Variants in CADM2 observed in about 807,000 individuals in gnomAD.
The protein encoded by CADM2 is cell adhesion molecule 2.
Under a neutral mutation model 49.8 loss-of-function variants are expected in CADM2, and 12 were observed. The observed-to-expected ratio is 0.24, with a 90% CI of 0.15 to 0.39. The LOEUF (loss-of-function observed/expected upper bound fraction) is 0.39, where lower values mean the gene tolerates loss of function less well. Ranked by LOEUF, CADM2 falls within the 10% of genes least tolerant of loss-of-function variation. The pLI, the probability that CADM2 is intolerant of heterozygous loss-of-function variation, is 1.00. For missense variants in CADM2, 378 were observed against 492.3 expected (o/e 0.77, Z 2.20); for synonymous variants, 214 against 175.4 (o/e 1.22, Z -1.74).
intron 2 of CADM2, among the ~76,000 whole-genome samples, chr3:85,799,530 A>G (rs1577336811): frequency 6.6e-6 from 1 of 152,124 alleles, no homozygotes; most frequent in Non-Finnish European, 1.5e-5. Flanking sequence ...TGAGATAATC[A>G]TGTGGTTTTT....
chr3:85,586,865 G>A (rs1482126754), intron 1 of CADM2, among the ~76,000 whole-genome samples: 1 of 151,986 alleles, frequency 6.6e-6, no homozygotes, highest in Non-Finnish European at 1.5e-5. Flanking sequence ...ACATTCTAGT[G>A]AGTAGGCCTA....
intron 5 of CADM2, among the ~76,000 whole-genome samples, chr3:85,908,408 T>C (rs918638638): frequency 2.6e-5 from 4 of 151,732 alleles, no homozygotes; most frequent in Non-Finnish European, 5.9e-5. Context: ...TATAAGGAGA[T>C]TGCTATTCTA....
At chr3:85,330,361 T>TC (rs1476812224) in intron 1 of CADM2, among the ~76,000 whole-genome samples, 2 of 152,154 alleles carry the variant, frequency 1.3e-5, no homozygotes, top group Non-Finnish European at 2.9e-5. Flanking sequence ...TTTTCTATTG[T>TC]TAGTATGTTT....
intron 1 of CADM2, among the ~76,000 whole-genome samples, chr3:85,530,120 A>G (rs1219803721): frequency 2.0e-5 from 3 of 152,112 alleles, no homozygotes; most frequent in Non-Finnish European, 4.4e-5. Flanking sequence ...TACTGTTCTC[A>G]TGATAGTGAG....
chr3:85,196,423 A>T (rs1017692874), intron 1 of CADM2, among the ~76,000 whole-genome samples: 1 of 152,010 alleles, frequency 6.6e-6, no homozygotes, highest in African/African-American at 2.4e-5. Context: ...ATCCTGAAGT[A>T]TAATCAAATG....
At chr3:85,625,559 T>C (rs2064101934) in intron 1 of CADM2, among the ~76,000 whole-genome samples, 1 of 152,092 alleles carries the variant, frequency 6.6e-6, no homozygotes, top group South Asian at 2.1e-4. Context: ...TCAACTTGTG[T>C]AAGTGAGCAG....
intron 1 of CADM2, among the ~76,000 whole-genome samples, chr3:85,488,061 G>C (rs1276733282): frequency 6.6e-6 from 1 of 151,908 alleles, no homozygotes. Flanking sequence ...AAAATACTTT[G>C]TACACAAGTA....
chr3:85,450,081 T>C (rs866285017), intron 1 of CADM2, among the ~76,000 whole-genome samples: 2 of 152,198 alleles, frequency 1.3e-5, no homozygotes, highest in Middle Eastern at 3.2e-3. Flanking sequence ...GCTGCTTTCC[T>C]GATTCCTATG....
In CADM2 at chr3:85,308,330, C is replaced by A. The variant is rs193197693; in HGVS notation, c.61+348662C>A. 2.6e-3 allele frequency among the ~76,000 whole-genome samples: 399 copies of A among 151,460 alleles called. 4 individuals carry two copies. Among genetic ancestry groups the A allele is most frequent in the African/African-American group, 9.3e-3 (382 of 41,276 alleles). On this transcript the variant is annotated intron_variant, in intron 1 of 9. Coordinates refer to ENST00000383699, the MANE Select transcript of CADM2 (RefSeq NM_001167675.2). ...CTCTCTACACACACACACACACACA[C>A]ACACACACACAACACTCCATGTTAC...
chr3:85,666,390 C>T (rs1190998826), intron 1 of CADM2, among the ~76,000 whole-genome samples: 1 of 151,916 alleles, frequency 6.6e-6, no homozygotes, highest in Non-Finnish European at 1.5e-5. Flanking sequence ...CAGATTTAGA[C>T]ATGCTACCTA....
chr3:85,683,052 A>G (rs560225553), intron 1 of CADM2, among the ~76,000 whole-genome samples: 1 of 152,226 alleles, frequency 6.6e-6, no homozygotes, highest in African/African-American at 2.4e-5. Flanking sequence ...TTCAGGGTTT[A>G]TTATTCTGGT....
At position 85,883,320 on chromosome 3, in the gene CADM2, C is replaced by T. The variant is rs139991481; in HGVS notation, c.268C>T (p.Arg90Cys). 6.8e-6 allele frequency: 11 copies of T among 1,613,434 alleles called. No individual in the cohort carries two copies. Among genetic ancestry groups the T allele is most frequent in the Admixed American group, 6.7e-5 (4 of 59,992 alleles). ...ALRDNRIELV[R>C]ASWHELSISV... ...AAGGGACAATAGGATCGAGCTGGTT[C>T]GCGCTTCCTGGCATGAATTGAGTAT... Residue 90 changes from arginine (R) to cysteine (C), a missense_variant, in exon 4 of 10, where the codon CGC becomes TGC. Transcript: ENST00000383699.
chr3:85,588,382 C>G (rs2063002440), intron 1 of CADM2, among the ~76,000 whole-genome samples: 1 of 151,890 alleles, frequency 6.6e-6, no homozygotes, highest in Non-Finnish European at 1.5e-5. Flanking sequence ...AAATACTCAC[C>G]CCACATTGAC....
At chr3:85,175,554 T>G (rs1372713454) in intron 1 of CADM2, among the ~76,000 whole-genome samples, 2 of 152,044 alleles carry the variant, frequency 1.3e-5, no homozygotes, top group Non-Finnish European at 2.9e-5. Flanking sequence ...ATAGCCAAAT[T>G]CAGAAAGAAG....
chr3:85,981,383 G>C (rs1463404274), intron 8 of CADM2, among the ~76,000 whole-genome samples: 1 of 151,496 alleles, frequency 6.6e-6, no homozygotes, highest in African/African-American at 2.4e-5. Flanking sequence ...AGGTTCAGGA[G>C]TACATGTAGA....
intron 1 of CADM2, among the ~76,000 whole-genome samples, chr3:85,563,596 G>A (rs1164664266): frequency 2.0e-5 from 3 of 152,132 alleles, no homozygotes; most frequent in Middle Eastern, 3.4e-3. Context: ...TATATCGAGG[G>A]CCACTAGAAG....
At chr3:85,792,728 T>C (rs966686263) in intron 2 of CADM2, among the ~76,000 whole-genome samples, 8 of 152,246 alleles carry the variant, frequency 5.3e-5, no homozygotes, top group African/African-American at 1.9e-4. Flanking sequence ...AATCAAGAGA[T>C]AGCAAGGCTT....
At chr3:85,758,131 TG>T (rs1283713357) in intron 2 of CADM2, among the ~76,000 whole-genome samples, 3 of 152,130 alleles carry the variant, frequency 2.0e-5, no homozygotes, top group Non-Finnish European at 4.4e-5. Flanking sequence ...AATGTTTTGG[TG>T]GTAGCACAGA....
intron 1 of CADM2, among the ~76,000 whole-genome samples, chr3:85,090,151 GT>G (rs1359550005): frequency 6.6e-6 from 1 of 152,022 alleles, no homozygotes. Context: ...TATAAAAGTT[GT>G]AATTTACTTG....
Sources: allele counts gnomAD v4.1 joint callset (sites outside exome capture counted in the v4.1 genomes callset), GRCh38; gene constraint gnomAD v4.1.1; transcripts MANE v1.5; gene names NCBI Gene and HGNC (gene_info 2026-07-23, HGNC 2026-07-21).